Variants in WDFY3 observed in about 807,000 individuals in gnomAD.
The protein encoded by WDFY3 is WD repeat and FYVE domain-containing protein 3.
WDFY3 carries 66 observed loss-of-function variants against 409.6 expected under a neutral mutation model. The observed-to-expected ratio is 0.16, with a 90% confidence interval of 0.13 to 0.20. WDFY3 has a LOEUF of 0.20. Ranked by LOEUF, WDFY3 falls within the 10% of genes least tolerant of loss-of-function variation. The probability of loss-of-function intolerance (pLI) is 1.00; values close to 1 mark genes in which losing one functional copy is unlikely to be tolerated. For missense variants in WDFY3, 3,031 were observed against 4,298.1 expected (o/e 0.71, Z 8.24); for synonymous variants, 1,521 against 1,537.1 (o/e 0.99, Z 0.25).
chr4:84,681,744 T>A (rs192062154), intron 64 of WDFY3, among the ~76,000 whole-genome samples: 11 of 152,294 alleles, frequency 7.2e-5, no homozygotes, highest in African/African-American at 2.6e-4. Flanking sequence ...AGGGGGCGGC[T>A]TCTTCAGTGA....
At chr4:84,695,922 T>A (rs1730066942) in intron 58 of WDFY3, 48 bp downstream of exon 58, 2 of 1,541,230 alleles carry the variant, frequency 1.3e-6, no homozygotes, top group East Asian at 4.5e-5. Context: ...AGAGAAATGT[T>A]ACAAAATGAA....
At chr4:84,831,660 G>A in intron 7 of WDFY3, 55 bp from the exon 8 acceptor site, 1 of 1,503,198 alleles carries the variant, frequency 6.7e-7, no homozygotes. Context: ...CAAATAATCT[G>A]ATTTAAAAAT....
chr4:84,768,618 A>T (rs1744099548), intron 30 of WDFY3, among the ~76,000 whole-genome samples: 1 of 152,162 alleles, frequency 6.6e-6, no homozygotes. Context: ...ACTGCTCAGA[A>T]AAAAAGGTTC....
intron 10 of WDFY3, among the ~76,000 whole-genome samples, chr4:84,822,362 G>A (rs1382009173): frequency 1.3e-5 from 2 of 152,074 alleles, no homozygotes; most frequent in African/African-American, 2.4e-5. Context: ...CTGGATTTCA[G>A]AAAGAGTATA....
chr4:84,735,482 T>C (rs1048855527), intron 42 of WDFY3, among the ~76,000 whole-genome samples: 2 of 152,196 alleles, frequency 1.3e-5, no homozygotes, highest in Non-Finnish European at 2.9e-5. Context: ...AAGAGGGTAT[T>C]CTGTCCTCAA....
intron 5 of WDFY3, among the ~76,000 whole-genome samples, chr4:84,844,135 C>T (rs1757754504): frequency 2.6e-5 from 4 of 152,146 alleles, no homozygotes; most frequent in Non-Finnish European, 5.9e-5. Context: ...TCTCAGCCTA[C>T]ACTGAGAGTA....
At chr4:84,824,971 T>G (rs779843051) in intron 10 of WDFY3, among the ~76,000 whole-genome samples, 1 of 152,148 alleles carries the variant, frequency 6.6e-6, no homozygotes, top group African/African-American at 2.4e-5. Context: ...TTAGAAAAGT[T>G]AGGTCACTTA....
At chr4:84,876,685 T>TAA (rs58141520) in intron 3 of WDFY3, among the ~76,000 whole-genome samples, 2 of 145,246 alleles carry the variant, frequency 1.4e-5, no homozygotes, top group Non-Finnish European at 3.0e-5. Context: ...TAATAAATGT[T>TAA]AAAAAAAAAA....
intron 35 of WDFY3, among the ~76,000 whole-genome samples, chr4:84,753,423 T>C (rs1740880153): frequency 6.6e-6 from 1 of 151,972 alleles, no homozygotes; most frequent in Non-Finnish European, 1.5e-5. Flanking sequence ...ATCAACTACT[T>C]GAAAAGGGAA....
chr4:84,716,381 G>A (rs1045917928), intron 49 of WDFY3, among the ~76,000 whole-genome samples: 2 of 148,540 alleles, frequency 1.3e-5, no homozygotes, highest in Non-Finnish European at 3.0e-5. Context: ...GGAGCATGCA[G>A]TGAGCCTAGA....
intron 2 of WDFY3, among the ~76,000 whole-genome samples, chr4:84,899,914 G>A (rs974694610): frequency 6.6e-6 from 1 of 152,062 alleles, no homozygotes; most frequent in Admixed American, 6.6e-5. Flanking sequence ...AGCCAGATGT[G>A]GTGGCGTGCT....
At chr4:84,820,734 A>G (rs1753937600) in intron 11 of WDFY3, among the ~76,000 whole-genome samples, 1 of 152,142 alleles carries the variant, frequency 6.6e-6, no homozygotes, top group South Asian at 2.1e-4. Flanking sequence ...TATATTTATT[A>G]GTTGTAATTA....
At chr4:84,831,190 A>AG (rs2149925542) in intron 8 of WDFY3, among the ~76,000 whole-genome samples, 1 of 151,178 alleles carries the variant, frequency 6.6e-6, no homozygotes, top group South Asian at 2.1e-4. Context: ...CCATCCAAAA[A>AG]AAAAAAAAAA....
At chr4:84,778,936 T>C (rs1465953633) in intron 26 of WDFY3, among the ~76,000 whole-genome samples, 1 of 152,216 alleles carries the variant, frequency 6.6e-6, no homozygotes, top group African/African-American at 2.4e-5. Context: ...TATAAATATG[T>C]AAATAGTTAC....
chr4:84,745,145 T>G (rs1739198718), intron 36 of WDFY3, among the ~76,000 whole-genome samples: 1 of 152,168 alleles, frequency 6.6e-6, no homozygotes, highest in Non-Finnish European at 1.5e-5. Flanking sequence ...TGCATAACTT[T>G]CCAGTATCTG....
At chr4:84,860,822 G>C (rs956187822) in intron 3 of WDFY3, among the ~76,000 whole-genome samples, 200 bp from the exon 4 acceptor site, 1 of 152,122 alleles carries the variant, frequency 6.6e-6, no homozygotes, top group Admixed American at 6.5e-5. Context: ...CTCAGCATTG[G>C]AAGTTCTTAC....
At chr4:84,692,760 C>CA (rs1729468384) in intron 59 of WDFY3, 125 bp downstream of exon 59, 1 of 906,270 alleles carries the variant, frequency 1.1e-6, no homozygotes, top group Non-Finnish European at 1.6e-6. Context: ...TAATCTAACA[C>CA]AAAATGTATG....
chr4:84,767,044 G>A (rs1743772724), intron 30 of WDFY3, among the ~76,000 whole-genome samples: 1 of 152,072 alleles, frequency 6.6e-6, no homozygotes, highest in Non-Finnish European at 1.5e-5. Flanking sequence ...AATGCACTTT[G>A]CAGATACTGT....
chr4:84,783,237 T>TA (rs1746882810), intron 24 of WDFY3, among the ~76,000 whole-genome samples, 163 bp from the exon 25 acceptor site: 1 of 152,218 alleles, frequency 6.6e-6, no homozygotes, highest in African/African-American at 2.4e-5. Flanking sequence ...CTCATGCCTA[T>TA]AATCCTAACA....
Sources: gnomAD v4.1 joint callset for allele counts (sites outside exome capture counted in the v4.1 genomes callset) on GRCh38, gnomAD v4.1.1 for gene constraint, MANE v1.5 for transcripts, NCBI Gene and HGNC (gene_info 2026-07-23, HGNC 2026-07-21) for gene names.